Variants in PDE4D observed in about 807,000 individuals in gnomAD.
PDE4D encodes phosphodiesterase 4D, also known as 3',5'-cyclic-AMP phosphodiesterase 4D.
PDE4D carries 24 observed loss-of-function variants against 87.4 expected under a neutral mutation model. That is an observed-to-expected ratio of 0.27 (90% CI 0.20 to 0.39). The LOEUF (loss-of-function observed/expected upper bound fraction) is 0.39, where lower values mean the gene tolerates loss of function less well. PDE4D is among the 10% of genes least tolerant of loss of function. The pLI is 1.00. For synonymous variants in PDE4D, 384 were observed against 383.2 expected, an observed-to-expected ratio of 1.00 and a Z score of -0.02; for missense variants, 714 against 1,041.0, an observed-to-expected ratio of 0.69 and a Z score of 4.32.
At chr5:59,725,224 G>A (rs572862487) in intron 1 of PDE4D, among the ~76,000 whole-genome samples, 5 of 151,970 alleles carry the variant, frequency 3.3e-5, no homozygotes, top group South Asian at 2.1e-4. Context: ...CCATACCTCC[G>A]TGCTCATGCC....
intron 1 of PDE4D, among the ~76,000 whole-genome samples, chr5:59,758,340 T>C (rs909457263): frequency 2.0e-5 from 3 of 152,232 alleles, no homozygotes; most frequent in Non-Finnish European, 4.4e-5. Context: ...TTGACGTCTA[T>C]GTTATAATTA....
intron 1 of PDE4D, among the ~76,000 whole-genome samples, chr5:59,380,476 T>C: frequency 6.6e-6 from 1 of 151,504 alleles, no homozygotes; most frequent in East Asian, 1.9e-4. Flanking sequence ...TACAGCAACA[T>C]GAAGGTGGTC....
intron 1 of PDE4D, among the ~76,000 whole-genome samples, chr5:59,414,816 G>A (rs1793317874): frequency 6.6e-6 from 1 of 152,186 alleles, no homozygotes; most frequent in Non-Finnish European, 1.5e-5. Context: ...CTGGGGCTAT[G>A]GCAGAAGTCT....
At chr5:59,287,734 G>GAGACAGACAGAC (rs796558336) in intron 1 of PDE4D, among the ~76,000 whole-genome samples, 4 of 151,274 alleles carry the variant, frequency 2.6e-5, no homozygotes. Context: ...GAGAGAGAGA[G>GAGACAGACAGAC]AGACAGACAG....
rs984794750 is a variant in PDE4D at position 59,554,030 on chromosome 5, C to T, written c.456-338062G>A. On this transcript the variant is annotated intron_variant, in intron 1 of 14. Transcript: ENST00000340635. ...CATTAGCTTTCTTCCTCAGGGCAGC[C>T]CTAAGGAAAAAGAGCAAAGGAGGGC... is the stretch of plus-strand genomic sequence containing the variant. 3.3e-5 allele frequency among the ~76,000 whole-genome samples: 5 copies of T among 152,008 alleles called. No homozygotes were observed. In the East Asian group the frequency reaches 9.7e-4, roughly 29 times the overall value.
intron 1 of PDE4D, among the ~76,000 whole-genome samples, chr5:59,297,943 G>T (rs961732128): frequency 5.3e-5 from 8 of 151,902 alleles, no homozygotes; most frequent in African/African-American, 1.9e-4. Context: ...AGTAAATCTT[G>T]ATGAAAAGAC....
intron 3 of PDE4D, among the ~76,000 whole-genome samples, chr5:59,190,836 TTTTTG>T (rs1394278505): frequency 6.6e-6 from 1 of 152,064 alleles, no homozygotes; most frequent in Non-Finnish European, 1.5e-5. Context: ...GCTTAACAGT[TTTTTG>T]TTTTGTTTTG....
At chr5:59,230,771 T>A (rs547261497) in intron 1 of PDE4D, among the ~76,000 whole-genome samples, 1 of 152,274 alleles carries the variant, frequency 6.6e-6, no homozygotes, top group South Asian at 2.1e-4. Flanking sequence ...TTTGGAGAAG[T>A]GATATTATTC....
chr5:59,289,177 A>G (rs1767538782), intron 1 of PDE4D, among the ~76,000 whole-genome samples: 1 of 152,034 alleles, frequency 6.6e-6, no homozygotes, highest in Admixed American at 6.6e-5. Flanking sequence ...TATAAAGACA[A>G]CAGAAAGTTT....
intron 3 of PDE4D, among the ~76,000 whole-genome samples, chr5:59,933,941 A>T (rs1756273344): frequency 6.6e-6 from 1 of 152,098 alleles, no homozygotes; most frequent in South Asian, 2.1e-4. Flanking sequence ...GCTTAGGAAA[A>T]CACTTAAAAA....
chr5:60,359,870 T>C (rs909401473), intron 1 of PDE4D, among the ~76,000 whole-genome samples: 4 of 152,210 alleles, frequency 2.6e-5, no homozygotes, highest in Non-Finnish European at 5.9e-5. Flanking sequence ...CCCATGTTTC[T>C]AGTGCCATAT....
At chr5:59,530,558 G>A (rs934623024) in intron 1 of PDE4D, among the ~76,000 whole-genome samples, 3 of 151,776 alleles carry the variant, frequency 2.0e-5, no homozygotes, top group Admixed American at 6.6e-5. Flanking sequence ...TACTGTTTAG[G>A]GAATGACAAG....
At position 59,723,750 on chromosome 5, in the gene PDE4D, C is replaced by A. The variant is rs187130247; in HGVS notation, c.455+169418G>T. Among the ~76,000 whole-genome samples, 349 of 152,230 alleles carry A rather than the reference C, an allele frequency of 2.3e-3. 1 individual carries two copies. Among genetic ancestry groups the A allele is most frequent in the Non-Finnish European group, 3.8e-3 (256 of 67,988 alleles). ...CTTTAGAGATGCATTCTGAGACCCACGTAAGGAGTTGTCCAAACTAATATT... is the reference window on the plus strand; with the variant it reads ...CTTTAGAGATGCATTCTGAGACCCAAGTAAGGAGTTGTCCAAACTAATATT... On this transcript the variant is annotated intron_variant, in intron 1 of 14. Coordinates refer to ENST00000340635, the MANE Select transcript of PDE4D (RefSeq NM_001104631.2).
intron 2 of PDE4D, among the ~76,000 whole-genome samples, chr5:60,130,973 T>C (rs1015985955): frequency 9.8e-5 from 15 of 152,308 alleles, no homozygotes; most frequent in African/African-American, 3.6e-4. Flanking sequence ...GATTATTTTC[T>C]GCAAAGTGAA....
intron 1 of PDE4D, among the ~76,000 whole-genome samples, chr5:59,455,749 C>T (rs1279827520): frequency 1.3e-5 from 2 of 152,220 alleles, no homozygotes; most frequent in East Asian, 1.9e-4. Flanking sequence ...GAGGCTGCAC[C>T]CTGCAGAGCC....
intron 1 of PDE4D, among the ~76,000 whole-genome samples, chr5:60,286,542 G>GTTCATATTAT (rs879941525): frequency 0.099 from 15,116 of 152,164 alleles, 1,037 homozygotes; most frequent in South Asian, 0.29. Flanking sequence ...TGATGTGGCC[G>GTTCATATTAT]CTAAGAGATT....
intron 2 of PDE4D, among the ~76,000 whole-genome samples, chr5:59,994,093 A>T (rs1227985161): frequency 2.0e-5 from 3 of 151,900 alleles, no homozygotes; most frequent in African/African-American, 7.2e-5. Flanking sequence ...AAGATATTTA[A>T]TTAATTTCTT....
chr5:60,299,817 T>G (rs1248536004), intron 1 of PDE4D, among the ~76,000 whole-genome samples: 2 of 152,208 alleles, frequency 1.3e-5, no homozygotes, highest in African/African-American at 4.8e-5. Context: ...GGCATTTAAG[T>G]TGATTCCATG....
At chr5:59,611,309 A>G (rs879388610) in intron 1 of PDE4D, among the ~76,000 whole-genome samples, 20 of 152,138 alleles carry the variant, frequency 1.3e-4, no homozygotes, top group Admixed American at 7.9e-4. Context: ...TCCCATTTGT[A>G]AGAACCCTGC....
Sources: allele counts gnomAD v4.1 joint callset (sites outside exome capture counted in the v4.1 genomes callset), GRCh38; gene constraint gnomAD v4.1.1; transcripts MANE v1.5; gene names NCBI Gene and HGNC (gene_info 2026-07-23, HGNC 2026-07-21).